GRM8: variants seen among roughly 807,000 people sequenced by gnomAD.
The protein encoded by GRM8 is glutamate metabotropic receptor 8, also known as metabotropic glutamate receptor 8.
GRM8 carries 47 observed loss-of-function variants against 87.2 expected under a neutral mutation model. The ratio of observed to expected loss-of-function variants is 0.54; its 90% CI spans 0.43 to 0.69. The LOEUF (loss-of-function observed/expected upper bound fraction) is 0.69. Ranked by LOEUF, GRM8 falls within the 30% of genes least tolerant of loss-of-function variation. The probability of loss-of-function intolerance (pLI) is 0.00; values close to 1 mark genes in which losing one functional copy is unlikely to be tolerated. For synonymous variants in GRM8, 396 were observed against 404.5 expected (o/e 0.98, Z 0.25); for missense variants, 1,019 against 1,139.2 (o/e 0.89, Z 1.52).
chr7:126,836,108 G>A (rs1049329100), intron 6 of GRM8, among the ~76,000 whole-genome samples: 1 of 152,018 alleles, frequency 6.6e-6, no homozygotes, highest in African/African-American at 2.4e-5. Context: ...CAAAATATAA[G>A]ATGAATTTCA....
chr7:126,454,645 C>T (rs1449105031), intron 9 of GRM8, among the ~76,000 whole-genome samples: 5 of 151,554 alleles, frequency 3.3e-5, no homozygotes, highest in Admixed American at 6.6e-5. Context: ...CATTTGAAGA[C>T]GGGGTCTTTA....
At chr7:126,653,327 G>A (rs1804147587) in intron 7 of GRM8, among the ~76,000 whole-genome samples, 1 of 147,772 alleles carries the variant, frequency 6.8e-6, no homozygotes, top group Non-Finnish European at 1.5e-5. Flanking sequence ...GGCAAGGAGA[G>A]GGTGATCCTT....
intron 7 of GRM8, among the ~76,000 whole-genome samples, chr7:126,714,046 C>T (rs1223916569): frequency 4.0e-5 from 6 of 150,676 alleles, no homozygotes; most frequent in East Asian, 2.0e-4. Context: ...TCGAGGCGGG[C>T]GGATCACTTG....
At chr7:127,003,683 A>G (rs1408401671) in intron 3 of GRM8, among the ~76,000 whole-genome samples, 1 of 151,782 alleles carries the variant, frequency 6.6e-6, no homozygotes, top group African/African-American at 2.4e-5. Context: ...AACTTGAACA[A>G]TGGTAGACAG....
intron 2 of GRM8, among the ~76,000 whole-genome samples, chr7:127,181,520 A>C (rs1264816290): frequency 6.6e-6 from 1 of 152,236 alleles, no homozygotes; most frequent in East Asian, 1.9e-4. Flanking sequence ...GAACCAAAAA[A>C]AGAGCCCAAA....
At chr7:126,570,027 G>GACCAGAAC (rs1794568117) in intron 8 of GRM8, among the ~76,000 whole-genome samples, 1 of 152,136 alleles carries the variant, frequency 6.6e-6, no homozygotes. Context: ...TGGATTTCAT[G>GACCAGAAC]ACCAGAACAT....
At position 127,134,084 on chromosome 7, in the gene GRM8, A is replaced by G. The variant is rs989804713; in HGVS notation, c.511-27372T>C. ...CTCTTTCCAAAAAGTAGGCCTAACT[A>G]TGAGACTAAATAATACATGTAAAGC... is the stretch of plus-strand genomic sequence containing the variant. On this transcript the variant is annotated intron_variant, in intron 2 of 10. Transcript: ENST00000339582. Among the ~76,000 whole-genome samples the G allele has an allele frequency of 2.6e-5, 4 of 152,216 alleles. No individual in the cohort carries two copies. The South Asian group carries it at 6.2e-4, about 24-fold the overall frequency.
At chr7:127,020,722 AG>A (rs1045470894) in intron 3 of GRM8, among the ~76,000 whole-genome samples, 3 of 152,092 alleles carry the variant, frequency 2.0e-5, no homozygotes, top group Non-Finnish European at 4.4e-5. Context: ...TAAGAAGGTG[AG>A]GGGAAGAACC....
chr7:126,530,413 G>T (rs1460027375), intron 9 of GRM8, among the ~76,000 whole-genome samples: 1 of 152,184 alleles, frequency 6.6e-6, no homozygotes, highest in African/African-American at 2.4e-5. Flanking sequence ...CCTTGAGCCT[G>T]ATCCTTTTCT....
intron 7 of GRM8, among the ~76,000 whole-genome samples, chr7:126,725,318 T>C (rs1261722491): frequency 6.6e-6 from 1 of 152,184 alleles, no homozygotes; most frequent in Non-Finnish European, 1.5e-5. Context: ...GAACATGCCC[T>C]TGTCAGGCCC....
At chr7:126,486,565 T>C (rs2150619651) in intron 9 of GRM8, among the ~76,000 whole-genome samples, 1 of 152,144 alleles carries the variant, frequency 6.6e-6, no homozygotes, top group Non-Finnish European at 1.5e-5. Flanking sequence ...GCTACATATA[T>C]AGATCTCACA....
At chr7:127,061,266 C>T (rs1400272523) in intron 3 of GRM8, among the ~76,000 whole-genome samples, 1 of 152,176 alleles carries the variant, frequency 6.6e-6, no homozygotes, top group Non-Finnish European at 1.5e-5. Context: ...ACTATGCTAG[C>T]TACTAGAAAT....
chr7:127,034,689 A>G (rs529929383), intron 3 of GRM8, among the ~76,000 whole-genome samples: 11 of 152,300 alleles, frequency 7.2e-5, no homozygotes, highest in African/African-American at 2.4e-4. Flanking sequence ...ACACAAATTC[A>G]GTGTTTTCAC....
chr7:126,539,473 C>A (rs902875131), intron 8 of GRM8, among the ~76,000 whole-genome samples: 2 of 151,688 alleles, frequency 1.3e-5, no homozygotes, highest in African/African-American at 4.8e-5. Context: ...TATAAGGGAC[C>A]CAGAATAGCC....
chr7:126,916,852 A>AT (rs1408706463), intron 3 of GRM8, among the ~76,000 whole-genome samples: 1 of 152,244 alleles, frequency 6.6e-6, no homozygotes, highest in Non-Finnish European at 1.5e-5. Context: ...CACCCAAAGC[A>AT]TTTAAAAACT....
intron 6 of GRM8, among the ~76,000 whole-genome samples, chr7:126,805,758 C>T (rs1265395835): frequency 6.6e-6 from 1 of 152,080 alleles, no homozygotes; most frequent in Non-Finnish European, 1.5e-5. Context: ...TCCTACTCAC[C>T]CTCTTTGCTT....
At chr7:126,623,396 G>A (rs1006812578) in intron 7 of GRM8, among the ~76,000 whole-genome samples, 3 of 151,944 alleles carry the variant, frequency 2.0e-5, no homozygotes, top group African/African-American at 7.3e-5. Flanking sequence ...GAAATATTGA[G>A]GTACTTTATG....
chr7:127,223,299 G>C (rs1797056176), intron 2 of GRM8, among the ~76,000 whole-genome samples: 1 of 151,838 alleles, frequency 6.6e-6, no homozygotes, highest in African/African-American at 2.4e-5. Context: ...AATACACATA[G>C]ACCAAAAACA....
chr7:126,495,836 G>T (rs1423152446), intron 9 of GRM8, among the ~76,000 whole-genome samples: 1 of 151,872 alleles, frequency 6.6e-6, no homozygotes, highest in Admixed American at 6.6e-5. Flanking sequence ...TGTGTGTTTG[G>T]GTAATGAGAA....
Sources: gnomAD v4.1 joint callset for allele counts (sites outside exome capture counted in the v4.1 genomes callset) on GRCh38, gnomAD v4.1.1 for gene constraint, MANE v1.5 for transcripts, NCBI Gene and HGNC (gene_info 2026-07-23, HGNC 2026-07-21) for gene names.